Variants in RIC1 observed in about 807,000 individuals in gnomAD.
RIC1 encodes guanine nucleotide exchange factor subunit RIC1.
Under a neutral mutation model 169.0 loss-of-function variants are expected in RIC1, and 88 were observed. The ratio of observed to expected loss-of-function variants is 0.52; its 90% CI spans 0.44 to 0.62. The LOEUF (loss-of-function observed/expected upper bound fraction) is 0.62, where lower values mean the gene tolerates loss of function less well. Ranked by LOEUF, RIC1 falls within the 20% of genes least tolerant of loss-of-function variation. The probability of loss-of-function intolerance (pLI) is 0.00; values close to 1 mark genes in which losing one functional copy is unlikely to be tolerated. For synonymous variants in RIC1, 790 were observed against 601.5 expected (o/e 1.31, Z -4.59); for missense variants, 1,877 against 1,725.5 (o/e 1.09, Z -1.56).
intron 2 of RIC1, among the ~76,000 whole-genome samples, chr9:5,661,702 A>C (rs899405679): frequency 6.6e-6 from 1 of 152,210 alleles, no homozygotes; most frequent in Non-Finnish European, 1.5e-5. Flanking sequence ...ACTTTGCTGA[A>C]GTTGCTTATC....
At chr9:5,681,072 C>T (rs1325605753) in intron 2 of RIC1, among the ~76,000 whole-genome samples, 17 of 151,536 alleles carry the variant, frequency 1.1e-4, no homozygotes, top group African/African-American at 3.2e-4. Context: ...GTGATCCGCC[C>T]GCCTCGGCCT....
Position 5,720,328 on chromosome 9 carries a change from G to A in RIC1, c.583+4G>A. 2 of 1,609,798 alleles carry A rather than the reference G, an allele frequency of 1.2e-6. No individual in the cohort carries two copies. Among genetic ancestry groups the A allele is most frequent in the Non-Finnish European group, 1.7e-6 (2 of 1,178,254 alleles). ...GTAGACCTGCAGTCATCTAGAGGTA[G>A]CTATACTTTCTACATGAGGTTGAAC... On this transcript the variant is annotated splice_donor_region_variant and intron_variant, in intron 5 of 25. Transcript: ENST00000414202.
chr9:5,635,725 T>C (rs748071277), intron 1 of RIC1, among the ~76,000 whole-genome samples: 15 of 152,164 alleles, frequency 9.9e-5, no homozygotes, highest in Admixed American at 3.3e-4. Flanking sequence ...AGCGGGAGTT[T>C]TCCTCATGCT....
Position 5,753,600 on chromosome 9 carries a change from A to G in RIC1, c.1556A>G (p.Tyr519Cys), listed in dbSNP as rs368561790. 6.2e-7 allele frequency: 1 copy of G among 1,610,818 alleles called. No homozygotes were observed. The highest frequency in any genetic ancestry group is 1.3e-5 in the African/African-American group (1 of 74,776). The change falls in exon 14 of 26, where the codon TAC becomes TGC. Residue 519 changes from tyrosine (Y) to cysteine (C), a missense_variant. By Grantham distance (194) the Tyr-to-Cys change is radical. Coordinates refer to ENST00000414202, the MANE Select transcript of RIC1 (RefSeq NM_020829.4). ...AVVGKFGFAH[Y>C]SLLTKKWKLF... Reference sequence around the variant, plus strand: ...GTTGGCAAGTTTGGTTTTGCACATTACTCTTTACTCACCAAAAAATGGAAA... The same window carrying G: ...GTTGGCAAGTTTGGTTTTGCACATTGCTCTTTACTCACCAAAAAATGGAAA...
chr9:5,748,561 C>T (rs1328302598), intron 12 of RIC1: 3 of 152,596 alleles, frequency 2.0e-5, no homozygotes, highest in Non-Finnish European at 2.9e-5. Flanking sequence ...CTAAAATTTT[C>T]CACTGCTCCC....
intron 2 of RIC1, among the ~76,000 whole-genome samples, chr9:5,684,081 C>G (rs1341827049): frequency 1.3e-5 from 2 of 152,120 alleles, no homozygotes; most frequent in Non-Finnish European, 2.9e-5. Context: ...TTCCCTGACC[C>G]CTTGCGCTTC....
chr9:5,740,698 G>A (rs912531627), intron 8 of RIC1, among the ~76,000 whole-genome samples: 4 of 151,270 alleles, frequency 2.6e-5, no homozygotes, highest in East Asian at 1.9e-4. Context: ...TATTCTAGCC[G>A]CACTGGCAGC....
intron 4 of RIC1, among the ~76,000 whole-genome samples, chr9:5,718,095 G>A (rs1587009132): frequency 1.7e-5 from 2 of 118,124 alleles, no homozygotes; most frequent in South Asian, 2.9e-4. Context: ...AGCTGAGATG[G>A]TACCACTGCA....
chr9:5,773,851 C>A (rs974380098), intron 25 of RIC1, 107 bp from the exon 26 acceptor site: 21 of 1,059,246 alleles, frequency 2.0e-5, no homozygotes, highest in Admixed American at 2.6e-5. Context: ...CCCTCCTAAT[C>A]TATCGTCGTC....
intron 7 of RIC1, among the ~76,000 whole-genome samples, chr9:5,732,810 C>G (rs1207582032): frequency 6.6e-6 from 1 of 152,034 alleles, no homozygotes. Flanking sequence ...TTTTTTAAAT[C>G]TTAATTTTTA....
At chr9:5,683,341 T>C (rs1255834628) in intron 2 of RIC1, among the ~76,000 whole-genome samples, 1 of 152,236 alleles carries the variant, frequency 6.6e-6, no homozygotes, top group Non-Finnish European at 1.5e-5. Context: ...ATGTCCTTTC[T>C]GATTGTTAGT....
chr9:5,635,547 T>C (rs1001225202), intron 1 of RIC1, among the ~76,000 whole-genome samples: 4 of 152,238 alleles, frequency 2.6e-5, no homozygotes, highest in Admixed American at 1.3e-4. Context: ...TATGTATCTC[T>C]TTTTATGTCA....
At chr9:5,654,098 C>G (rs374078826) in intron 1 of RIC1, among the ~76,000 whole-genome samples, 5 of 151,848 alleles carry the variant, frequency 3.3e-5, no homozygotes, top group African/African-American at 7.3e-5. Context: ...CTCCCAGGCT[C>G]GAGCAATCTC....
intron 3 of RIC1, among the ~76,000 whole-genome samples, chr9:5,692,936 C>T (rs565894325): frequency 2.6e-5 from 4 of 152,032 alleles, no homozygotes; most frequent in African/African-American, 4.8e-5. Context: ...CACAGAGAGG[C>T]AGAGTAACTC....
At chr9:5,714,619 C>G (rs1305051368) in intron 4 of RIC1, among the ~76,000 whole-genome samples, 1 of 151,990 alleles carries the variant, frequency 6.6e-6, no homozygotes, top group Non-Finnish European at 1.5e-5. Flanking sequence ...AAACGATACG[C>G]AGCTGTAAAA....
chr9:5,739,869 C>A (rs1587076824), intron 8 of RIC1, among the ~76,000 whole-genome samples: 1 of 149,234 alleles, frequency 6.7e-6, no homozygotes, highest in Non-Finnish European at 1.5e-5. Flanking sequence ...CCATTTTTTT[C>A]CAATCAGTGC....
intron 2 of RIC1, among the ~76,000 whole-genome samples, chr9:5,683,765 G>A (rs201643194): frequency 1.1e-4 from 17 of 152,212 alleles, no homozygotes; most frequent in Middle Eastern, 3.4e-3. Flanking sequence ...TGAGGAAGGC[G>A]GGCCTCCTTG....
chr9:5,702,924 C>G (rs1330656361), intron 3 of RIC1, among the ~76,000 whole-genome samples: 1 of 152,206 alleles, frequency 6.6e-6, no homozygotes, highest in Non-Finnish European at 1.5e-5. Context: ...AAATTGCCCT[C>G]ATGATCCAGT....
chr9:5,700,576 A>G (rs947529086), intron 3 of RIC1, among the ~76,000 whole-genome samples: 1 of 151,550 alleles, frequency 6.6e-6, no homozygotes, highest in African/African-American at 2.4e-5. Flanking sequence ...ATTAATGTAT[A>G]TTTATAAATA....
Sources: gnomAD v4.1 joint callset for allele counts (sites outside exome capture counted in the v4.1 genomes callset) on GRCh38, gnomAD v4.1.1 for gene constraint, MANE v1.5 for transcripts, NCBI Gene and HGNC (gene_info 2026-07-23, HGNC 2026-07-21) for gene names.